The following CAPN2 variants were observed in gnomAD, a reference collection of about 807,000 sequenced individuals.
CAPN2 encodes the protein calpain-2 catalytic subunit.
In CAPN2, 92 loss-of-function variants were observed where a neutral mutation model predicts 102.3. That is an observed-to-expected ratio of 0.90 (90% confidence interval 0.76 to 1.07). CAPN2 has a LOEUF of 1.07. Ranked by LOEUF, CAPN2 falls within the 50% of genes least tolerant of loss-of-function variation. The pLI is 0.00. For synonymous variants in CAPN2, 340 were observed against 355.4 expected (o/e 0.96, Z 0.49); for missense variants, 800 against 909.4 (o/e 0.88, Z 1.55).
chr1:223,761,647 T>C (rs6704537), intron 13 of CAPN2, 30 bp downstream of exon 13: 30,838 of 1,594,958 alleles, frequency 0.019, 1,943 homozygotes, highest in African/African-American at 0.15. Flanking sequence ...TTTCACCCAC[T>C]CTGTCCTGGA....
At chr1:223,735,102 G>A (rs377749222) in intron 2 of CAPN2, among the ~76,000 whole-genome samples, 48 of 152,308 alleles carry the variant, frequency 3.2e-4, no homozygotes, top group Middle Eastern at 3.4e-3. Flanking sequence ...CTTCTCTCAC[G>A]TGATCCTAAC....
intron 2 of CAPN2, among the ~76,000 whole-genome samples, chr1:223,742,739 T>C (rs1290620736): frequency 6.6e-6 from 1 of 152,086 alleles, no homozygotes; most frequent in African/African-American, 2.4e-5. Context: ...GAGGCCAGTG[T>C]CGAGCTCCTG....
chr1:223,765,325 G>A (rs562289645), intron 15 of CAPN2, among the ~76,000 whole-genome samples: 1 of 152,162 alleles, frequency 6.6e-6, no homozygotes, highest in Non-Finnish European at 1.5e-5. Context: ...GTCAGGTTAC[G>A]GTCAGTCCAG....
rs1428431698 is a variant in CAPN2 at position 223,759,075 on chromosome 1, T to C, written c.1318-195T>C. 1 of 607,602 alleles carries C rather than the reference T, an allele frequency of 1.6e-6. No homozygotes were observed. The highest frequency in any genetic ancestry group is 2.0e-5 in the South Asian group (1 of 50,188). The allele number at this position is 607,602 out of a possible 1,614,324, so 37.6% of individuals were successfully genotyped here. On this transcript the variant is annotated intron_variant, in intron 11 of 20. Transcript: ENST00000295006. This position sits in a 1 kb window ranked among gnomAD's most constrained non-coding sequence, Gnocchi z 4.6. ...AAAAATTTTGTTGTTTTGTTGTTGT[T>C]GTCGTCGTTATATAGATGAGGGCTT...
rs200236165 is a variant in CAPN2, at chr1:223,772,228, G to A, written c.2068G>A (p.Asp690Asn). The A allele has an allele frequency of 7.4e-6, 12 of 1,613,896 alleles. No homozygotes were observed. The South Asian group carries it at 7.7e-5, about 10-fold the overall frequency. ...DPENTGTIEL[D>N]LISWLCFSVL ...CGAGAATACTGGAACAATAGAGCTC[G>A]ACCTTATCTCTGTGAGTCAGCAGGC... The change falls in exon 20 of 21, where the codon GAC becomes AAC. Residue 690 changes from aspartate (D) to asparagine (N), a missense_variant. Coordinates refer to ENST00000295006, the MANE Select transcript of CAPN2 (RefSeq NM_001748.5).
rs909783127 is a variant in CAPN2, at chr1:223,756,110, T to TC, written c.1305+467dup. ...GACAGGGGAACATTGGTCATGATGC[T>TC]CCCCCCAGGGCTCTGATGGCTGGAG... On this transcript the variant is annotated intron_variant, in intron 10 of 20. Transcript: ENST00000295006. The surrounding 1 kb of genome is among the most constrained non-coding windows in gnomAD (Gnocchi z 4.1). 6.6e-5 allele frequency among the ~76,000 whole-genome samples: 10 copies of TC among 151,946 alleles called. No homozygotes were observed. Among genetic ancestry groups the TC allele is most frequent in the African/African-American group, 2.4e-4 (10 of 41,424 alleles).
chr1:223,774,986 C>A lies in CAPN2; in HGVS notation c.*129C>A. The A allele has an allele frequency of 2.6e-6, 2 of 774,344 alleles. No homozygotes were observed. Among genetic ancestry groups the A allele is most frequent in the Admixed American group, 2.3e-5 (1 of 42,930 alleles). The allele number at this position is 774,344 out of a possible 1,614,324, so 48.0% of individuals were successfully genotyped here. Reference sequence around the variant, plus strand: ...CATTTACTTAAACGGATGATCATAGCTGAAAATAATGATACTGTCAATTTG... The same window carrying A: ...CATTTACTTAAACGGATGATCATAGATGAAAATAATGATACTGTCAATTTG... On this transcript the variant is annotated 3_prime_UTR_variant, in exon 21 of 21. Transcript: ENST00000295006.
intron 4 of CAPN2, among the ~76,000 whole-genome samples, chr1:223,745,760 T>G (rs3738373): frequency 0.24 from 35,880 of 152,176 alleles, 7,226 homozygotes; most frequent in African/African-American, 0.55. Flanking sequence ...ATAAATGATG[T>G]CTATCACCAT....
At position 223,727,577 on chromosome 1, in the gene CAPN2, G is replaced by A. The variant is rs748121442; in HGVS notation, c.307+9746G>A. On this transcript the variant is annotated intron_variant, in intron 2 of 20. Transcript: ENST00000295006. The surrounding 1 kb of genome is among the most constrained non-coding windows in gnomAD (Gnocchi z 4.1). The stretch of plus-strand genomic sequence containing the variant: ...GGGAGCCTGGTGCAAGGGAGTGGCC[G>A]GATGGGAGGTAGGAATAGCAGTGGT... Among the ~76,000 whole-genome samples, 6 of 152,184 alleles carry A rather than the reference G, an allele frequency of 3.9e-5. No homozygotes were observed. The highest frequency in any genetic ancestry group is 7.3e-5 in the Non-Finnish European group (5 of 68,038).
intron 1 of CAPN2, among the ~76,000 whole-genome samples, chr1:223,714,154 C>T (rs765461297): frequency 1.3e-5 from 2 of 152,202 alleles, no homozygotes; most frequent in Admixed American, 1.3e-4. Context: ...TTGTTTTTCT[C>T]TGTCACCCCA....
In CAPN2 at chr1:223,766,379, A is replaced by ATAT; in HGVS notation, c.1703_1704insTAT (p.Lys568delinsAsnMet). 6.2e-7 allele frequency: 1 copy of ATAT among 1,613,816 alleles called. No individual in the cohort carries two copies. Among genetic ancestry groups the ATAT allele is most frequent in the Non-Finnish European group, 8.5e-7 (1 of 1,179,642 alleles). On this transcript the variant is annotated protein_altering_variant, in exon 16 of 21. Transcript: ENST00000295006. The stretch of plus-strand genomic sequence containing the variant: ...TTTTGTCTTTTAGGCCAAGATATCA[A>ATAT]GTCAGATGGCTTCAGCATCGAGACA...
intron 2 of CAPN2, among the ~76,000 whole-genome samples, chr1:223,732,372 C>A (rs570876513): frequency 1.3e-5 from 2 of 152,298 alleles, no homozygotes; most frequent in South Asian, 4.2e-4. Context: ...ATGGTTATTT[C>A]TTGATTATAT....
At chr1:223,769,726 C>A in intron 16 of CAPN2, 115 bp from the exon 17 acceptor site, 2 of 784,986 alleles carry the variant, frequency 2.5e-6, no homozygotes, top group Non-Finnish European at 4.4e-6. Context: ...GATCCTTCTG[C>A]AAACCCTCCT....
chr1:223,759,408 C>T lies in CAPN2; in HGVS notation c.1456C>T (p.Pro486Ser). Residue 486 changes from proline (P) to serine (S), a missense_variant, in exon 12 of 21, where the codon CCT (proline) becomes TCT (serine). Physicochemically the swap from Pro to Ser is moderately conservative, Grantham distance 74. Transcript: ENST00000295006. The surrounding 1 kb of genome is among the most constrained non-coding windows in gnomAD (Gnocchi z 4.6). ...KLPPGEYILVPSTFEPNKDGD... is the reference protein window; with the variant it reads ...KLPPGEYILVSSTFEPNKDGD... Reference sequence around the variant, plus strand: ...GCCGCCAGGAGAGTACATTCTCGTGCCTTCCACCTTCGAACCCAACAAGGA... The same window carrying T: ...GCCGCCAGGAGAGTACATTCTCGTGTCTTCCACCTTCGAACCCAACAAGGA... 1 of 1,614,206 alleles carries T rather than the reference C, an allele frequency of 6.2e-7. No individual in the cohort carries two copies. The highest frequency in any genetic ancestry group is 8.5e-7 in the Non-Finnish European group (1 of 1,180,042).
chr1:223,750,305 T>C (rs1414176332), intron 6 of CAPN2, among the ~76,000 whole-genome samples: 1 of 152,230 alleles, frequency 6.6e-6, no homozygotes, highest in African/African-American at 2.4e-5. Context: ...GCAGACGTTA[T>C]GACACTTCCC....
intron 5 of CAPN2, 112 bp downstream of exon 5, chr1:223,747,277 G>C: frequency 9.4e-7 from 1 of 1,059,028 alleles, no homozygotes; most frequent in Non-Finnish European, 1.3e-6. Context: ...TGCAGCCCTC[G>C]TCCACGTAGG....
At chr1:223,763,613 G>T (rs186789341) in intron 14 of CAPN2, among the ~76,000 whole-genome samples, 2 of 152,336 alleles carry the variant, frequency 1.3e-5, no homozygotes, top group African/African-American at 4.8e-5. Flanking sequence ...TTTACAGGAA[G>T]TCTGAGCTTT....
chr1:223,737,712 G>C lies in CAPN2; in HGVS notation c.308-6388G>C, dbSNP rs1158132761. 3.2e-3 allele frequency among the ~76,000 whole-genome samples: 88 copies of C among 27,246 alleles called. 9 individuals are homozygous for C. The highest frequency in any genetic ancestry group is 0.01 in the South Asian group (5 of 482). 17.9% of individuals were successfully genotyped at this position (27,246 alleles called of 152,430 possible). On this transcript the variant is annotated intron_variant, in intron 2 of 20. Transcript: ENST00000295006. ...CCTGACCAAAAGAGACGGGGCGGGG[G>C]GTGGGGGGGAGAGAATACAATAACA...
chr1:223,730,240 G>A (rs761382453), intron 2 of CAPN2, among the ~76,000 whole-genome samples: 6 of 151,908 alleles, frequency 3.9e-5, no homozygotes, highest in Non-Finnish European at 7.4e-5. Context: ...TGAAGGGAAG[G>A]TGATTCTCTA....
Sources: allele counts gnomAD v4.1 joint callset (sites outside exome capture counted in the v4.1 genomes callset), GRCh38; gene constraint gnomAD v4.1.1; non-coding constraint Gnocchi (gnomAD v3.1); transcripts MANE v1.5; gene names NCBI Gene and HGNC (gene_info 2026-07-23, HGNC 2026-07-21).